Variants in GABRR3 observed in about 807,000 individuals in gnomAD.
GABRR3 encodes gamma-aminobutyric acid receptor subunit rho-3.
Under a neutral mutation model 43.2 loss-of-function variants are expected in GABRR3, and 29 were observed. The ratio of observed to expected loss-of-function variants is 0.67; its 90% confidence interval spans 0.50 to 0.92. The LOEUF (loss-of-function observed/expected upper bound fraction) is 0.92, where lower values mean the gene tolerates loss of function less well. GABRR3 is among the 40% of genes least tolerant of loss of function. The pLI is 0.00. For missense variants in GABRR3, 576 were observed against 572.3 expected (o/e 1.01, Z -0.07); for synonymous variants, 206 against 195.9 (o/e 1.05, Z -0.43).
chr3:98,031,151 A>C (rs1281603482), intron 2 of GABRR3, among the ~76,000 whole-genome samples: 1 of 152,204 alleles, frequency 6.6e-6, no homozygotes, highest in Non-Finnish European at 1.5e-5. Context: ...TAAAGGAAAA[A>C]ATCTAGGCAG....
chr3:98,001,613 A>G lies in GABRR3; in HGVS notation c.907+2T>C, dbSNP rs1576039351. On this transcript the variant is annotated splice_donor_variant, in intron 8 of 9. Transcript: ENST00000621172. LOFTEE classifies it high-confidence loss of function. ...ATTTTATAAAGATGGGGAAAGATTT[A>G]CCCAGGGAAACTCTTGCAGGAACAG... is the stretch of plus-strand genomic sequence containing the variant. 6.2e-7 allele frequency: 1 copy of G among 1,612,736 alleles called. No individual in the cohort carries two copies. The highest frequency in any genetic ancestry group is 1.7e-5 in the Admixed American group (1 of 59,874).
At chr3:98,030,920 ATAAGG>A (rs1398928106) in intron 2 of GABRR3, among the ~76,000 whole-genome samples, 2 of 152,248 alleles carry the variant, frequency 1.3e-5, no homozygotes, top group African/African-American at 4.8e-5. Flanking sequence ...AATCCAAGGA[ATAAGG>A]TAAAGTAGTG....
intron 9 of GABRR3, among the ~76,000 whole-genome samples, chr3:97,988,309 C>T (rs556420882): frequency 2.6e-5 from 4 of 152,078 alleles, no homozygotes; most frequent in Non-Finnish European, 5.9e-5. Context: ...AACTCCTGAG[C>T]TTAGGCAATC....
At chr3:98,032,617 T>C (rs1371876886) in intron 2 of GABRR3, among the ~76,000 whole-genome samples, 2 of 152,352 alleles carry the variant, frequency 1.3e-5, no homozygotes, top group South Asian at 2.1e-4. Flanking sequence ...CTCCCTACTT[T>C]GTTTTTAGGA....
At chr3:98,019,972 C>T (rs11924388) in intron 3 of GABRR3, among the ~76,000 whole-genome samples, 1,557 of 152,212 alleles carry the variant, frequency 0.01, 22 homozygotes, top group African/African-American at 0.036. Context: ...TGCTTTTTTA[C>T]GTGTGTGTGC....
At chr3:98,000,428 T>G (rs1706623363) in intron 8 of GABRR3, 1 of 152,122 alleles carries the variant, frequency 6.6e-6, no homozygotes, top group Non-Finnish European at 1.5e-5. Flanking sequence ...TGTATTTGGG[T>G]CTATGCTGCC....
chr3:98,000,958 A>C (rs899258251), intron 8 of GABRR3: 14 of 152,262 alleles, frequency 9.2e-5, no homozygotes, highest in African/African-American at 3.4e-4. Context: ...TGACAGAGGC[A>C]TATAGCATGT....
chr3:97,991,817 A>C (rs939148474), intron 9 of GABRR3, among the ~76,000 whole-genome samples: 12 of 151,944 alleles, frequency 7.9e-5, no homozygotes, highest in African/African-American at 2.4e-5. Flanking sequence ...AAAATATTAA[A>C]TAATGTTTGG....
intron 9 of GABRR3, 124 bp from the exon 10 acceptor site, chr3:97,987,106 GT>G (rs1706397923): frequency 1.5e-6 from 1 of 664,268 alleles, no homozygotes; most frequent in African/African-American, 2.0e-5. Flanking sequence ...AATTGGATTT[GT>G]TTTTCAACTT....
At chr3:98,007,876 T>G (rs543037743) in exon 7 of GABRR3, 4 of 1,593,330 alleles carry the variant, frequency 2.5e-6, no homozygotes, top group East Asian at 2.2e-5. Context: ...GTTTCCAGTA[T>G]AGCATTAGGT....
intron 4 of GABRR3, among the ~76,000 whole-genome samples, chr3:98,015,204 G>C (rs1213223268): frequency 6.6e-6 from 1 of 151,926 alleles, no homozygotes; most frequent in African/African-American, 2.4e-5. Context: ...CTACTCCTTG[G>C]TTTTATTAAA....
At chr3:98,035,195 T>C (rs1287656097) in exon 1 of GABRR3, 1 of 556,428 alleles carries the variant, frequency 1.8e-6, no homozygotes, top group Non-Finnish European at 3.1e-6. Flanking sequence ...TCTACCTGGA[T>C]CTTCAGCAAT....
intron 2 of GABRR3, among the ~76,000 whole-genome samples, chr3:98,033,306 A>G (rs558222614): frequency 6.6e-6 from 1 of 152,346 alleles, no homozygotes; most frequent in East Asian, 1.9e-4. Flanking sequence ...GATTGGCCCC[A>G]CATGGCCGAA....
intron 2 of GABRR3, among the ~76,000 whole-genome samples, 156 bp from the exon 3 acceptor site, chr3:98,025,835 T>C (rs565606984): frequency 1.5e-4 from 23 of 152,346 alleles, no homozygotes; most frequent in Admixed American, 5.2e-4. Flanking sequence ...GCTGTCAACA[T>C]TTGTTCTTTA....
chr3:98,010,904 A>AC (rs1054698293), intron 5 of GABRR3, among the ~76,000 whole-genome samples: 28 of 152,178 alleles, frequency 1.8e-4, no homozygotes, highest in African/African-American at 5.6e-4. Flanking sequence ...GTTCGAGACC[A>AC]GCCTGGCAAA....
At chr3:98,013,129 A>G (rs1169555023) in intron 4 of GABRR3, among the ~76,000 whole-genome samples, 1 of 152,170 alleles carries the variant, frequency 6.6e-6, no homozygotes. Flanking sequence ...TCAGCTTGAG[A>G]GATAGAAAGC....
chr3:98,020,470 A>AG (rs1706927133), intron 3 of GABRR3, among the ~76,000 whole-genome samples: 5 of 151,762 alleles, frequency 3.3e-5, no homozygotes, highest in Non-Finnish European at 7.4e-5. Context: ...AAAAAAAAAA[A>AG]AAAAAGGAAA....
chr3:98,008,910 T>G, intron 6 of GABRR3, 46 bp downstream of exon 6: 5 of 1,074,572 alleles, frequency 4.7e-6, no homozygotes, highest in Non-Finnish European at 7.0e-6. Context: ...TATGTGATGG[T>G]GTGTTCAAAT....
intron 3 of GABRR3, among the ~76,000 whole-genome samples, 189 bp from the exon 4 acceptor site, chr3:98,017,911 G>A (rs1706891959): frequency 6.6e-6 from 1 of 151,586 alleles, no homozygotes; most frequent in African/African-American, 2.4e-5. Flanking sequence ...AGGCACATGT[G>A]TAAATAAATG....
Sources: gnomAD v4.1 joint callset for allele counts (sites outside exome capture counted in the v4.1 genomes callset) on GRCh38, gnomAD v4.1.1 for gene constraint, MANE v1.5 for transcripts, NCBI Gene and HGNC (gene_info 2026-07-23, HGNC 2026-07-21) for gene names.